CAAP1: variants seen among roughly 807,000 people sequenced by gnomAD.
CAAP1 encodes the protein conserved anti-apoptotic protein.
Under a neutral mutation model 34.0 loss-of-function variants are expected in CAAP1, and 20 were observed. The ratio of observed to expected loss-of-function variants is 0.59; its 90% CI spans 0.41 to 0.86. The LOEUF (loss-of-function observed/expected upper bound fraction) is 0.86, where lower values mean the gene tolerates loss of function less well. Among genes scored for constraint, CAAP1 ranks in the 40% least tolerant of loss-of-function variants. The pLI, the probability that CAAP1 is intolerant of heterozygous loss-of-function variation, is 0.00. For synonymous variants in CAAP1, 213 were observed against 166.7 expected, an observed-to-expected ratio of 1.28 and a Z score of -2.14; for missense variants, 538 against 450.5, an observed-to-expected ratio of 1.19 and a Z score of -1.76.
chr9:26,863,686 G>C (rs1379471320), intron 4 of CAAP1, among the ~76,000 whole-genome samples: 4 of 150,606 alleles, frequency 2.7e-5, no homozygotes, highest in Admixed American at 6.6e-5. Flanking sequence ...GTAAAGAGAG[G>C]AATGGGGAGA....
intron 4 of CAAP1, among the ~76,000 whole-genome samples, chr9:26,870,928 T>C (rs1379329375): frequency 6.6e-6 from 1 of 152,114 alleles, no homozygotes; most frequent in African/African-American, 2.4e-5. Flanking sequence ...CAGGTCTATA[T>C]TTTTGATAAA....
intron 5 of CAAP1, among the ~76,000 whole-genome samples, chr9:26,846,928 C>G (rs112521410): frequency 0.011 from 1,701 of 152,120 alleles, 33 homozygotes; most frequent in African/African-American, 0.039. Flanking sequence ...CTCAGGTGAT[C>G]TGCCTGCCTC....
At chr9:26,844,551 A>G (rs1822552328) in intron 5 of CAAP1, among the ~76,000 whole-genome samples, 1 of 152,210 alleles carries the variant, frequency 6.6e-6, no homozygotes, top group African/African-American at 2.4e-5. Flanking sequence ...TTGTTGCGAG[A>G]TAATGAATGA....
intron 4 of CAAP1, among the ~76,000 whole-genome samples, chr9:26,869,257 T>G (rs181741720): frequency 2.8e-4 from 42 of 152,190 alleles, no homozygotes; most frequent in Non-Finnish European, 1.8e-4. Context: ...TTAACTCAGA[T>G]AGAAAATGTC....
chr9:26,847,546 G>A (rs906390934), intron 5 of CAAP1, among the ~76,000 whole-genome samples: 1 of 151,914 alleles, frequency 6.6e-6, no homozygotes, highest in African/African-American at 2.4e-5. Context: ...ACATTTATCT[G>A]ATTAGAAATT....
chr9:26,863,319 A>G (rs1796538296), intron 4 of CAAP1, among the ~76,000 whole-genome samples: 1 of 152,192 alleles, frequency 6.6e-6, no homozygotes, highest in South Asian at 2.1e-4. Context: ...TGCTGTCAGT[A>G]TTACCTGAAG....
intron 5 of CAAP1, among the ~76,000 whole-genome samples, chr9:26,850,075 G>A (rs537435716): frequency 1.8e-4 from 27 of 151,596 alleles, no homozygotes; most frequent in South Asian, 8.3e-4. Context: ...GTGACCTCGT[G>A]ATCCGCCCCC....
intron 5 of CAAP1, among the ~76,000 whole-genome samples, chr9:26,852,436 C>G (rs1444784649): frequency 1.3e-5 from 2 of 151,172 alleles, no homozygotes; most frequent in African/African-American, 4.9e-5. Context: ...GCCTGGGTGA[C>G]AGAGAGAGGC....
At chr9:26,867,571 T>A (rs529209342) in intron 4 of CAAP1, among the ~76,000 whole-genome samples, 1 of 152,286 alleles carries the variant, frequency 6.6e-6, no homozygotes, top group African/African-American at 2.4e-5. Context: ...AAAAATTACA[T>A]CTGTATTTTC....
intron 3 of CAAP1, 80 bp from the exon 4 acceptor site, chr9:26,884,965 C>T: frequency 9.5e-7 from 1 of 1,050,822 alleles, no homozygotes; most frequent in Non-Finnish European, 1.4e-6. Flanking sequence ...AAAGTATAAT[C>T]TTTAAAAGTG....
In CAAP1 at chr9:26,861,014, G is replaced by A. The variant is rs1822990933; in HGVS notation, c.739+52C>T. ...ACTGAAAATTTATTTTTGGTAAAAT[G>A]CTTCTATTCTTCAGGTAAATTTTAT... On this transcript the variant is annotated intron_variant, in intron 5 of 5. Coordinates refer to ENST00000333916, the MANE Select transcript of CAAP1 (RefSeq NM_024828.4). The A allele has an allele frequency of 9.4e-6, 12 of 1,270,110 alleles. No individual in the cohort carries two copies. The South Asian group carries it at 1.3e-4, about 14-fold the overall frequency. 78.7% of individuals were successfully genotyped at this position (1,270,110 alleles called of 1,614,324 possible).
chr9:26,864,903 T>C (rs1444266902), intron 4 of CAAP1, among the ~76,000 whole-genome samples: 1 of 152,236 alleles, frequency 6.6e-6, no homozygotes, highest in Non-Finnish European at 1.5e-5. Context: ...AAAACTGTTA[T>C]TTTGAATAAA....
intron 5 of CAAP1, among the ~76,000 whole-genome samples, chr9:26,843,591 T>C (rs1822528556): frequency 6.6e-6 from 1 of 151,276 alleles, no homozygotes; most frequent in East Asian, 1.9e-4. Flanking sequence ...CACCCATGAA[T>C]ATGTTTTTTT....
At chr9:26,877,705 T>TA (rs921942336) in intron 4 of CAAP1, among the ~76,000 whole-genome samples, 2 of 151,544 alleles carry the variant, frequency 1.3e-5, no homozygotes, top group East Asian at 1.9e-4. Flanking sequence ...TTTCACTTAA[T>TA]AAAAAAAAAT....
chr9:26,852,425 AG>A (rs1822774425), intron 5 of CAAP1, among the ~76,000 whole-genome samples: 1 of 151,996 alleles, frequency 6.6e-6, no homozygotes, highest in South Asian at 2.1e-4. Flanking sequence ...ACTGCACTCC[AG>A]CCTGGGTGAC....
At chr9:26,885,221 C>T (rs1257122729) in intron 3 of CAAP1, among the ~76,000 whole-genome samples, 2 of 151,868 alleles carry the variant, frequency 1.3e-5, no homozygotes, top group East Asian at 3.9e-4. Flanking sequence ...GGACTACAGG[C>T]GCCCGCCACC....
At chr9:26,875,987 A>G (rs533066558) in intron 4 of CAAP1, among the ~76,000 whole-genome samples, 88 of 152,336 alleles carry the variant, frequency 5.8e-4, no homozygotes, top group African/African-American at 2.1e-3. Context: ...CCACTCTAAT[A>G]TATTATCACA....
chr9:26,850,335 GGA>G (rs1587090636), intron 5 of CAAP1, among the ~76,000 whole-genome samples: 1 of 152,234 alleles, frequency 6.6e-6, no homozygotes, highest in East Asian at 1.9e-4. Context: ...AGTGGGGGTT[GGA>G]GAGACAGAAC....
At chr9:26,852,948 T>C (rs1217800418) in intron 5 of CAAP1, among the ~76,000 whole-genome samples, 1 of 150,976 alleles carries the variant, frequency 6.6e-6, no homozygotes, top group African/African-American at 2.4e-5. Context: ...GACACAGGAG[T>C]GTTTGGAGTG....
Sources: gnomAD v4.1 joint callset for allele counts (sites outside exome capture counted in the v4.1 genomes callset) on GRCh38, gnomAD v4.1.1 for gene constraint, MANE v1.5 for transcripts, NCBI Gene and HGNC (gene_info 2026-07-23, HGNC 2026-07-21) for gene names.